ARMC8: variants seen among roughly 807,000 people sequenced by gnomAD.
ARMC8 encodes armadillo repeat containing 8, also known as armadillo repeat-containing protein 8.
A neutral mutation model predicts 99.3 loss-of-function variants in ARMC8; 20 were observed. That is an observed-to-expected ratio of 0.20 (90% CI 0.14 to 0.29). ARMC8 has a LOEUF of 0.29. ARMC8 is among the 10% of genes least tolerant of loss of function. ARMC8 has a pLI of 1.00. For missense variants in ARMC8, 569 were observed against 809.5 expected (o/e 0.70, Z 3.60); for synonymous variants, 263 against 278.3 (o/e 0.95, Z 0.55).
chr3:138,215,904 A>C (rs745492262), intron 2 of ARMC8, among the ~76,000 whole-genome samples: 1 of 151,788 alleles, frequency 6.6e-6, no homozygotes, highest in Non-Finnish European at 1.5e-5. Flanking sequence ...TCTGTCATCC[A>C]GGCTGGAGTG....
intron 10 of ARMC8, among the ~76,000 whole-genome samples, chr3:138,240,271 T>C (rs2046546672): frequency 6.6e-6 from 1 of 152,204 alleles, no homozygotes; most frequent in South Asian, 2.1e-4. Flanking sequence ...TTTATAAATA[T>C]GAGATCTCAC....
intron 2 of ARMC8, among the ~76,000 whole-genome samples, chr3:138,220,554 G>A (rs369349805): frequency 1.3e-5 from 2 of 152,132 alleles, no homozygotes; most frequent in African/African-American, 4.8e-5. Flanking sequence ...ATCACTAGTT[G>A]TTGCAGTATT....
rs1467988758 is a variant in ARMC8, at chr3:138,267,966, G to A, written c.1386+725G>A. On this transcript the variant is annotated intron_variant, in intron 15 of 21. Coordinates refer to ENST00000469044, the MANE Select transcript of ARMC8 (RefSeq NM_001363941.2). ...ATTAATAAGATGGAGGTTCTGGCCA[G>A]GCACGGTGGTTCATGCGTGTAAACC... Among the ~76,000 whole-genome samples, 17 of 152,066 alleles carry A rather than the reference G, an allele frequency of 1.1e-4. 1 individual carries two copies. Among genetic ancestry groups the A allele is most frequent in the Admixed American group, 1.0e-3 (16 of 15,278 alleles).
In ARMC8 at chr3:138,188,392, T is replaced by TA. The variant is rs557495339; in HGVS notation, c.45+800dup. ...AAGTAAAACCTGTTTTTTTTTTTTT[T>TA]AAAAAAAGTTTTTTTAAAGAAAAAG... On this transcript the variant is annotated intron_variant, in intron 1 of 21. Transcript: ENST00000469044. 3,798 of 1,438,632 alleles carry TA rather than the reference T, an allele frequency of 2.6e-3. 17 individuals carry two copies. In the African/African-American group the frequency reaches 0.027, roughly 10 times the overall value. 89.1% of individuals were successfully genotyped at this position (1,438,632 alleles called of 1,614,324 possible).
chr3:138,238,088 A>T (rs2046424184), intron 9 of ARMC8: 1 of 147,678 alleles, frequency 6.8e-6, no homozygotes, highest in African/African-American at 2.5e-5. Flanking sequence ...TTTTTTCTAG[A>T]CGGAGTCTCA....
At chr3:138,230,906 C>G (rs191371684) in intron 6 of ARMC8, among the ~76,000 whole-genome samples, 56 of 152,260 alleles carry the variant, frequency 3.7e-4, no homozygotes, top group African/African-American at 1.3e-3. Flanking sequence ...GCTGTTTTAG[C>G]TGAAATTATA....
In ARMC8 at chr3:138,187,509, C is replaced by G; in HGVS notation, c.-46C>G. On this transcript the variant is annotated 5_prime_UTR_variant, in exon 1 of 22. Coordinates refer to ENST00000469044, the MANE Select transcript of ARMC8 (RefSeq NM_001363941.2). Reference sequence around the variant, plus strand: ...GCCAATAGTTGGCTGTCGAAAGTGCCGGCCCCCGCGCCGGCGCCTGCAGCA... The same window carrying G: ...GCCAATAGTTGGCTGTCGAAAGTGCGGGCCCCCGCGCCGGCGCCTGCAGCA... 1 of 1,534,010 alleles carries G rather than the reference C, an allele frequency of 6.5e-7. No homozygotes were observed. Among genetic ancestry groups the G allele is most frequent in the South Asian group, 1.2e-5 (1 of 83,994 alleles).
chr3:138,196,693 C>T (rs1348191494), intron 1 of ARMC8, among the ~76,000 whole-genome samples: 1 of 151,878 alleles, frequency 6.6e-6, no homozygotes. Context: ...GGTGAAACCC[C>T]GTTTCTACTA....
intron 1 of ARMC8, among the ~76,000 whole-genome samples, chr3:138,204,295 A>C (rs1559919766): frequency 6.6e-6 from 1 of 152,074 alleles, no homozygotes; most frequent in Admixed American, 6.5e-5. Flanking sequence ...CACATGCTCT[A>C]CTTGACTAGT....
At chr3:138,229,517 A>G (rs545232381) in intron 6 of ARMC8, among the ~76,000 whole-genome samples, 31 of 152,074 alleles carry the variant, frequency 2.0e-4, no homozygotes, top group African/African-American at 6.7e-4. Flanking sequence ...GAATATATGT[A>G]TTTGTAATTT....
intron 2 of ARMC8, among the ~76,000 whole-genome samples, chr3:138,218,003 G>C (rs925037814): frequency 1.3e-5 from 2 of 152,164 alleles, no homozygotes; most frequent in African/African-American, 4.8e-5. Flanking sequence ...TGTATAACCA[G>C]ATACCTAGAT....
At chr3:138,217,130 A>G (rs1322176951) in intron 2 of ARMC8, among the ~76,000 whole-genome samples, 1 of 152,126 alleles carries the variant, frequency 6.6e-6, no homozygotes, top group Non-Finnish European at 1.5e-5. Flanking sequence ...GTGTAAGTAC[A>G]CTCTATGATG....
chr3:138,228,791 C>T lies in ARMC8; in HGVS notation c.436-127C>T, dbSNP rs988395845. 12 of 624,428 alleles carry T rather than the reference C, an allele frequency of 1.9e-5. No individual in the cohort carries two copies. In the African/African-American group the frequency reaches 2.1e-4, roughly 11 times the overall value. 38.7% of individuals were successfully genotyped at this position (624,428 alleles called of 1,614,324 possible). ...TCGTTGCTTTTGTTTTGCACTGTGC[C>T]TTAAGGAGACTTGATTGACTGTCAT... On this transcript the variant is annotated intron_variant, in intron 5 of 21. Coordinates refer to ENST00000469044, the MANE Select transcript of ARMC8 (RefSeq NM_001363941.2).
At chr3:138,194,645 T>A (rs1046094115) in intron 1 of ARMC8, among the ~76,000 whole-genome samples, 2 of 142,124 alleles carry the variant, frequency 1.4e-5, no homozygotes, top group East Asian at 4.0e-4. Context: ...GCTGTCATTA[T>A]TTTTTTTTTT....
Position 138,296,212 on chromosome 3 carries a change from A to G in ARMC8, c.*320A>G, listed in dbSNP as rs2051469317. On this transcript the variant is annotated 3_prime_UTR_variant, in exon 22 of 22. Transcript: ENST00000469044. ...GCAGCCACTTTGTGAGTGAGAATGA[A>G]TATGTCTGTGTGAACACACAGGCAT... is the stretch of plus-strand genomic sequence containing the variant. 2 of 268,872 alleles carry G rather than the reference A, an allele frequency of 7.4e-6. No individual in the cohort carries two copies. The highest frequency in any genetic ancestry group is 1.4e-5 in the Non-Finnish European group (2 of 140,736). The allele number at this position is 268,872 out of a possible 1,614,324, so 16.7% of individuals were successfully genotyped here.
At chr3:138,225,012 C>T (rs2045607294) in intron 5 of ARMC8, among the ~76,000 whole-genome samples, 1 of 151,472 alleles carries the variant, frequency 6.6e-6, no homozygotes, top group Non-Finnish European at 1.5e-5. Flanking sequence ...TGCAGAGAAG[C>T]TAGAATTTAA....
chr3:138,221,967 C>A lies in ARMC8; in HGVS notation c.164C>A (p.Ala55Asp). ...GTAATTGGAAACAACAAGCAGAAAG[C>A]CAATCTCATTGTTTTAGGAGCTGTT... ...NAVIGNNKQK[A>D]NLIVLGAVPR... Residue 55 changes from alanine (A) to aspartate (D), a missense_variant, in exon 3 of 22, where the codon GCC becomes GAC. Ala to Asp is a moderately radical substitution (Grantham distance 126). Coordinates refer to ENST00000469044, the MANE Select transcript of ARMC8 (RefSeq NM_001363941.2). The A allele has an allele frequency of 6.2e-7, 1 of 1,613,510 alleles. No individual in the cohort carries two copies. The highest frequency in any genetic ancestry group is 8.5e-7 in the Non-Finnish European group (1 of 1,179,646).
chr3:138,265,414 A>G (rs79641653), intron 14 of ARMC8, among the ~76,000 whole-genome samples: 3,659 of 152,260 alleles, frequency 0.024, 124 homozygotes, highest in African/African-American at 0.081. Flanking sequence ...CATTTAGTCA[A>G]CTTAATTTTT....
chr3:138,249,718 A>T (rs980568983), intron 12 of ARMC8, among the ~76,000 whole-genome samples: 1 of 152,168 alleles, frequency 6.6e-6, no homozygotes, highest in African/African-American at 2.4e-5. Context: ...CCTGCATTGT[A>T]TAATATTGCC....
Sources: allele counts gnomAD v4.1 joint callset (sites outside exome capture counted in the v4.1 genomes callset), GRCh38; gene constraint gnomAD v4.1.1; transcripts MANE v1.5; gene names NCBI Gene and HGNC (gene_info 2026-07-23, HGNC 2026-07-21).